Variants in PLEC observed in about 807,000 individuals in gnomAD.
PLEC encodes the protein hemidesmosomal protein 1.
A neutral mutation model predicts 392.8 loss-of-function variants in PLEC; 216 were observed. That is an observed-to-expected ratio of 0.55 (90% CI 0.49 to 0.62). The LOEUF (loss-of-function observed/expected upper bound fraction) is 0.62, where lower values mean the gene tolerates loss of function less well. Among genes scored for constraint, PLEC ranks in the 20% least tolerant of loss-of-function variants. PLEC has a pLI of 0.00. For missense variants in PLEC, 6,863 were observed against 6,563.4 expected, an observed-to-expected ratio of 1.05 and a Z score of -1.58; for synonymous variants, 3,621 against 2,980.6, an observed-to-expected ratio of 1.21 and a Z score of -7.00.
rs1554721613 is a variant in PLEC, at chr8:143,934,941, C to T, written c.826-12G>A. 2 of 1,610,866 alleles carry T rather than the reference C, an allele frequency of 1.2e-6. No individual in the cohort carries two copies. The highest frequency in any genetic ancestry group is 2.2e-5 in the East Asian group (1 of 44,870). On this transcript the variant is annotated splice_polypyrimidine_tract_variant and intron_variant, in intron 8 of 31. Transcript: ENST00000345136. ...CGCAGCTGCAGCTCCTGCGGGCAGG[C>T]ACGGGCGGCTGTCAGGGGTCGTCGG... is the stretch of plus-strand genomic sequence containing the variant.
Position 143,918,607 on chromosome 8 carries a change from C to T in PLEC, c.11214G>A (p.Lys3738=). ...AATGFLLDPV[K]GERLTVDEAV... ...CCTCATCCACAGTCAGCCGCTCCCC[C>T]TTCACCGGGTCCAGCAGGAAGCCTG... is the stretch of plus-strand genomic sequence containing the variant. Residue 3738 remains lysine, a synonymous_variant, in exon 32 of 32, where the codon AAG becomes AAA. Transcript: ENST00000345136. 6.2e-7 allele frequency: 1 copy of T among 1,612,734 alleles called. No individual in the cohort carries two copies. Among genetic ancestry groups the T allele is most frequent in the Non-Finnish European group, 8.5e-7 (1 of 1,179,994 alleles).
upstream of PLEC, among the ~76,000 whole-genome samples, chr8:143,942,194 G>C (rs1554729145): frequency 6.7e-6 from 1 of 150,102 alleles, no homozygotes; most frequent in Non-Finnish European, 1.5e-5. Context: ...CCCTTCTCTA[G>C]AGACAAACAA....
At chr8:143,952,451 C>G (rs1832285999), upstream of PLEC, among the ~76,000 whole-genome samples, 1 of 152,176 alleles carries the variant, frequency 6.6e-6, no homozygotes, top group South Asian at 2.1e-4. Flanking sequence ...CCTGCGGACC[C>G]TCCACCCACC....
chr8:143,975,045 G>T, upstream of PLEC: 1 of 1,022,168 alleles, frequency 9.8e-7, no homozygotes, highest in Non-Finnish European at 1.5e-6. This position sits in a 1 kb window ranked among gnomAD's most constrained non-coding sequence, Gnocchi z 9.9. Context: ...TGGGACGCGC[G>T]AGGCCCTCCG....
At chr8:143,940,696 G>C (rs925889532), upstream of PLEC, among the ~76,000 whole-genome samples, 1 of 152,110 alleles carries the variant, frequency 6.6e-6, no homozygotes, top group South Asian at 2.1e-4. Flanking sequence ...AGCTGCACTC[G>C]GCCTCAGTTC....
At chr8:143,931,820 G>A in intron 18 of PLEC, 117 bp downstream of exon 18, 1 of 1,419,552 alleles carries the variant, frequency 7.0e-7, no homozygotes, top group South Asian at 1.2e-5. Context: ...CAGGCTGCAG[G>A]CAGCAGCTGG....
In PLEC at chr8:143,918,509, T is replaced by G; in HGVS notation, c.11312A>C (p.Tyr3771Ser). 1 of 1,606,100 alleles carries G rather than the reference T, an allele frequency of 6.2e-7. No homozygotes were observed. Among genetic ancestry groups the G allele is most frequent in the Non-Finnish European group, 8.5e-7 (1 of 1,177,462 alleles). Residue 3771 changes from tyrosine (Y) to serine (S), a missense_variant, in exon 32 of 32, where the codon TAC becomes TCC. Tyr to Ser is a moderately radical substitution (Grantham distance 144). Transcript: ENST00000345136. ...GGTCTGCTCGGTGTAGGGGTCACGG[T>G]AGCCGGTGACCGCCCGCTCAGCCGA... ...LLSAERAVTG[Y>S]RDPYTEQTIS...
upstream of PLEC, among the ~76,000 whole-genome samples, chr8:143,957,022 C>T (rs1380611093): frequency 6.6e-6 from 1 of 152,178 alleles, no homozygotes; most frequent in Non-Finnish European, 1.5e-5. Context: ...GTAGAGGAAA[C>T]AAGTCCAGGC....
chr8:143,946,940 G>A (rs1554732645), intron 1 of PLEC, among the ~76,000 whole-genome samples: 2 of 152,096 alleles, frequency 1.3e-5, no homozygotes, highest in African/African-American at 4.8e-5. Context: ...CATCTGTCCA[G>A]GGGCAATGGT....
Position 143,922,056 on chromosome 8 carries a change from C to G in PLEC, c.7765G>C (p.Glu2589Gln). 1 of 1,591,830 alleles carries G rather than the reference C, an allele frequency of 6.3e-7. No homozygotes were observed. The highest frequency in any genetic ancestry group is 1.8e-4 in the Middle Eastern group (1 of 5,542). The change falls in exon 32 of 32, where the codon GAG becomes CAG. Residue 2589 changes from glutamate to glutamine, a missense_variant. Glu to Gln is a conservative substitution (Grantham distance 29, BLOSUM62 2). Transcript: ENST00000345136. ...TGCTCACGCAGCCTCTGGTTCTCCT[C>G]AGCCAGCAGCTCCTCCTGCTGCCGC... is the stretch of plus-strand genomic sequence containing the variant. The part of the protein sequence containing the change: ...QRRQQEELLA[E>Q]ENQRLREQLQ...
chr8:143,925,704 C>A lies in PLEC; in HGVS notation c.4225G>T (p.Val1409Leu), dbSNP rs1195690468. ...EEVVRREEAA[V>L]DAQQQKRSIQ... ...CTGCGCTTCTGCTGCTGCGCGTCCA[C>A]CGCCGCCTCCTCCCGCCGCACCACC... is the stretch of plus-strand genomic sequence containing the variant. Residue 1409 changes from valine (V) to leucine (L), a missense_variant, in exon 31 of 32, where the codon GTG (valine) becomes TTG (leucine). Transcript: ENST00000345136. 6.3e-7 allele frequency: 1 copy of A among 1,592,234 alleles called. No individual in the cohort carries two copies. Among genetic ancestry groups the A allele is most frequent in the Non-Finnish European group, 8.5e-7 (1 of 1,176,622 alleles).
upstream of PLEC, among the ~76,000 whole-genome samples, chr8:143,954,936 G>A (rs568944106): frequency 3.3e-5 from 5 of 152,268 alleles, no homozygotes; most frequent in Admixed American, 2.0e-4. This position sits in a 1 kb window ranked among gnomAD's most constrained non-coding sequence, Gnocchi z 4.6. Flanking sequence ...CCCACTGTGC[G>A]CCAGGCTGGG....
intron 3 of PLEC, chr8:143,937,572 C>A: frequency 2.1e-6 from 1 of 477,708 alleles, no homozygotes; most frequent in Admixed American, 3.1e-5. Context: ...CAGCAGCCAC[C>A]GGTGGGTCCC....
chr8:143,932,116 C>T lies in PLEC; in HGVS notation c.2082+14G>A. 6.2e-7 allele frequency: 1 copy of T among 1,608,192 alleles called. No homozygotes were observed. Among genetic ancestry groups the T allele is most frequent in the Non-Finnish European group, 8.5e-7 (1 of 1,178,666 alleles). ...GCCCCCCCCGCAGCCCCGCCCCTAC[C>T]CAGGGAGCCCCACCTCCACCGTGGG... is the stretch of plus-strand genomic sequence containing the variant. On this transcript the variant is annotated intron_variant, in intron 17 of 31. Transcript: ENST00000345136.
At chr8:143,948,408 G>A (rs1554733357) in intron 1 of PLEC, among the ~76,000 whole-genome samples, 2 of 152,174 alleles carry the variant, frequency 1.3e-5, no homozygotes, top group East Asian at 1.9e-4. Context: ...GAACTGCCCC[G>A]GGCTGTATGC....
chr8:143,920,531 G>GAT lies in PLEC; in HGVS notation c.9288_9289dup (p.Ser3097TyrfsTer7). ...GTACCCTGTCACAGCCTTCTCGGCT[G>GAT]ATAGCAGCTTCTCATGAAACTCGGG... is the stretch of plus-strand genomic sequence containing the variant. On this transcript the variant is annotated frameshift_variant, in exon 32 of 32. Coordinates refer to ENST00000345136, the MANE Select transcript of PLEC (RefSeq NM_201384.3). LOFTEE classifies it high-confidence loss of function. The GAT allele has an allele frequency of 6.2e-7, 1 of 1,611,476 alleles. No homozygotes were observed. The highest frequency in any genetic ancestry group is 8.5e-7 in the Non-Finnish European group (1 of 1,179,578).
rs1473652198 is a variant in PLEC, at chr8:143,917,530, C to G, written c.12291G>C (p.Glu4097Asp). 1 of 1,613,840 alleles carries G rather than the reference C, an allele frequency of 6.2e-7. No homozygotes were observed. The highest frequency in any genetic ancestry group is 1.3e-5 in the African/African-American group (1 of 74,934). Residue 4097 changes from glutamate (E) to aspartate (D), a missense_variant, in exon 32 of 32, where the codon GAG becomes GAC. By Grantham distance (45) the Glu-to-Asp change is conservative (BLOSUM62 2). Coordinates refer to ENST00000345136, the MANE Select transcript of PLEC (RefSeq NM_201384.3). ...TKGFFDPNTE[E>D]NLTYLQLMER... ...CCATCAGCTGCAGGTAGGTGAGGTT[C>G]TCCTCCGTGTTAGGGTCAAAGAAGC...
In PLEC at chr8:143,933,619, C is replaced by A. The variant is rs1013237872; in HGVS notation, c.1264-268G>T. ...TGGGGTCCTGGGCCTCATCCTCCAT[C>A]ACCCACCCTGGGTAACTCCTCCTGT... On this transcript the variant is annotated intron_variant, in intron 12 of 31. Transcript: ENST00000345136. 2.6e-5 allele frequency among the ~76,000 whole-genome samples: 4 copies of A among 152,312 alleles called. No homozygotes were observed. In the South Asian group the frequency reaches 8.3e-4, roughly 32 times the overall value.
At chr8:143,951,718 G>A (rs575985213), upstream of PLEC, among the ~76,000 whole-genome samples, 1 of 152,242 alleles carries the variant, frequency 6.6e-6, no homozygotes, top group Admixed American at 6.5e-5. Context: ...TGCCCACCCT[G>A]GGCAGCCCAA....
Sources: gnomAD v4.1 joint callset for allele counts (sites outside exome capture counted in the v4.1 genomes callset) on GRCh38, gnomAD v4.1.1 for gene constraint, Gnocchi (gnomAD v3.1) non-coding constraint, MANE v1.5 for transcripts, NCBI Gene and HGNC (gene_info 2026-07-23, HGNC 2026-07-21) for gene names.